NRG1: variants seen among roughly 807,000 people sequenced by gnomAD.
The protein encoded by NRG1 is pro-neuregulin-1, membrane-bound isoform.
Under a neutral mutation model 63.8 loss-of-function variants are expected in NRG1, and 18 were observed. The observed-to-expected ratio is 0.28, with a 90% CI of 0.19 to 0.42. The LOEUF is 0.42. NRG1 is among the 10% of genes least tolerant of loss of function. The pLI, the probability that NRG1 is intolerant of heterozygous loss-of-function variation, is 1.00. For synonymous variants in NRG1, 302 were observed against 301.3 expected, an observed-to-expected ratio of 1.00 and a Z score of -0.02; for missense variants, 762 against 814.7, an observed-to-expected ratio of 0.94 and a Z score of 0.79.
At chr8:32,114,906 AC>A (rs541043626) in intron 1 of NRG1, among the ~76,000 whole-genome samples, 81 of 152,308 alleles carry the variant, frequency 5.3e-4, no homozygotes, top group African/African-American at 1.9e-3. Flanking sequence ...ATAGAGTTTA[AC>A]CAAAGTCAGG....
chr8:31,833,564 C>G (rs994728366), intron 1 of NRG1, among the ~76,000 whole-genome samples: 3 of 152,156 alleles, frequency 2.0e-5, no homozygotes, highest in African/African-American at 7.2e-5. Flanking sequence ...CCTTGGGCAC[C>G]AGTGGTTGCT....
intron 1 of NRG1, among the ~76,000 whole-genome samples, chr8:31,916,727 G>A (rs1197006638): frequency 1.3e-5 from 2 of 152,168 alleles, no homozygotes; most frequent in Middle Eastern, 3.4e-3. Flanking sequence ...CCCAGTAATG[G>A]GATGGCTGGG....
chr8:32,218,052 T>C (rs1845427639), intron 1 of NRG1, among the ~76,000 whole-genome samples: 1 of 152,240 alleles, frequency 6.6e-6, no homozygotes, highest in African/African-American at 2.4e-5. Context: ...AAATGATGGA[T>C]AGTTATCTTA....
intron 5 of NRG1, among the ~76,000 whole-genome samples, chr8:32,679,175 C>G (rs895945331): frequency 5.3e-5 from 8 of 152,026 alleles, no homozygotes; most frequent in Admixed American, 3.3e-4. Context: ...ATATAATAAG[C>G]TATCTATTCT....
At chr8:32,042,047 T>C (rs1820148043) in intron 1 of NRG1, among the ~76,000 whole-genome samples, 1 of 152,134 alleles carries the variant, frequency 6.6e-6, no homozygotes, top group African/African-American at 2.4e-5. Context: ...CAAATGATAT[T>C]AAAATAAAGA....
At chr8:32,265,116 T>A (rs1025167470) in intron 1 of NRG1, among the ~76,000 whole-genome samples, 1 of 152,116 alleles carries the variant, frequency 6.6e-6, no homozygotes, top group African/African-American at 2.4e-5. Flanking sequence ...GGCAGGAGGA[T>A]TGCTTGTGTC....
intron 1 of NRG1, among the ~76,000 whole-genome samples, chr8:32,430,640 T>C (rs185311377): frequency 9.5e-4 from 145 of 152,304 alleles, no homozygotes; most frequent in African/African-American, 3.1e-3. Context: ...GGACTGTGCA[T>C]TTCCTTTTGT....
chr8:32,771,420 A>G (rs1394363603), downstream of NRG1, among the ~76,000 whole-genome samples: 2 of 149,938 alleles, frequency 1.3e-5, no homozygotes, highest in East Asian at 2.0e-4. Context: ...GCCACCACCC[A>G]TAACTTTATG....
In NRG1 at chr8:32,421,256, T is replaced by C. The variant is rs547493200; in HGVS notation, c.38-174572T>C. Among the ~76,000 whole-genome samples, 4 of 152,254 alleles carry C rather than the reference T, an allele frequency of 2.6e-5. No individual in the cohort carries two copies. In the East Asian group the frequency reaches 7.7e-4, roughly 29 times the overall value. On this transcript the variant is annotated intron_variant, in intron 1 of 10. Transcript: ENST00000519301. ...AGAGAGAGGGAAAAAGGAATTGATC[T>C]GAATCAAATTTGCTGTTATCAAGAA...
At chr8:32,316,475 A>T (rs1292260097) in intron 1 of NRG1, among the ~76,000 whole-genome samples, 12 of 109,946 alleles carry the variant, frequency 1.1e-4, no homozygotes, top group Non-Finnish European at 2.1e-4. Flanking sequence ...ACTCCATCAA[A>T]AAAAAAAAAA....
intron 1 of NRG1, among the ~76,000 whole-genome samples, chr8:32,558,528 G>A (rs990123504): frequency 5.9e-5 from 9 of 152,142 alleles, no homozygotes; most frequent in Admixed American, 1.3e-4. Flanking sequence ...AGAGGGTGGT[G>A]GCAACCATCT....
intron 1 of NRG1, among the ~76,000 whole-genome samples, chr8:32,519,314 G>A (rs935726748): frequency 2.6e-5 from 4 of 151,992 alleles, no homozygotes; most frequent in African/African-American, 4.8e-5. Context: ...TACTTTGCCC[G>A]TAAACATTAA....
chr8:31,879,337 A>T (rs1412031446), intron 1 of NRG1, among the ~76,000 whole-genome samples: 1 of 152,190 alleles, frequency 6.6e-6, no homozygotes, highest in Non-Finnish European at 1.5e-5. Flanking sequence ...ACTAGAATGT[A>T]ATCTGTTTAA....
chr8:32,065,421 T>G (rs1824608784), intron 1 of NRG1, among the ~76,000 whole-genome samples: 1 of 152,166 alleles, frequency 6.6e-6, no homozygotes, highest in South Asian at 2.1e-4. Flanking sequence ...TTCTCATTGT[T>G]CAATTCCCAC....
chr8:32,201,041 C>T (rs1380672561), intron 1 of NRG1, among the ~76,000 whole-genome samples: 1 of 152,124 alleles, frequency 6.6e-6, no homozygotes, highest in Non-Finnish European at 1.5e-5. Flanking sequence ...CTGAGCCTTT[C>T]TTAGGTATAT....
chr8:31,991,759 T>C (rs930767375), intron 1 of NRG1, among the ~76,000 whole-genome samples: 5 of 151,968 alleles, frequency 3.3e-5, no homozygotes, highest in African/African-American at 1.2e-4. Context: ...ATTTCTTTCC[T>C]TCTCCCTCCT....
At chr8:31,998,284 T>C (rs1465967845) in intron 1 of NRG1, among the ~76,000 whole-genome samples, 1 of 152,024 alleles carries the variant, frequency 6.6e-6, no homozygotes, top group Non-Finnish European at 1.5e-5. Flanking sequence ...AGTCATTCAA[T>C]CAACTATACA....
At chr8:32,640,338 C>T (rs868522518) in intron 5 of NRG1, among the ~76,000 whole-genome samples, 3 of 149,808 alleles carry the variant, frequency 2.0e-5, no homozygotes, top group African/African-American at 4.9e-5. Flanking sequence ...GTAAAACACA[C>T]GTCTCAAAGA....
At chr8:32,183,728 C>T (rs997416246) in intron 1 of NRG1, among the ~76,000 whole-genome samples, 44 of 152,098 alleles carry the variant, frequency 2.9e-4, no homozygotes, top group African/African-American at 1.0e-3. Flanking sequence ...GAGTGCCCAT[C>T]CTACAAGAAG....
Sources: allele counts gnomAD v4.1 joint callset (sites outside exome capture counted in the v4.1 genomes callset), GRCh38; gene constraint gnomAD v4.1.1; transcripts MANE v1.5; gene names NCBI Gene and HGNC (gene_info 2026-07-23, HGNC 2026-07-21).